The following AFF3 variants were observed in gnomAD, a reference collection of about 807,000 sequenced individuals.
The protein encoded by AFF3 is AF4/FMR2 family member 3.
In AFF3, 32 loss-of-function variants were observed where a neutral mutation model predicts 129.7. That is an observed-to-expected ratio of 0.25 (90% CI 0.19 to 0.33). AFF3 has a LOEUF of 0.33. Ranked by LOEUF, AFF3 falls within the 10% of genes least tolerant of loss-of-function variation. The probability of loss-of-function intolerance (pLI) is 1.00; values close to 1 mark genes in which losing one functional copy is unlikely to be tolerated. For missense variants in AFF3, 1,373 were observed against 1,592.0 expected (o/e 0.86, Z 2.34); for synonymous variants, 644 against 635.4 (o/e 1.01, Z -0.20).
chr2:100,060,687 T>C (rs1687198876), intron 4 of AFF3, among the ~76,000 whole-genome samples: 1 of 152,222 alleles, frequency 6.6e-6, no homozygotes, highest in Non-Finnish European at 1.5e-5. Context: ...AACCCTTGTA[T>C]ACCCCTCACC....
At chr2:99,576,623 T>A (rs934812384) in intron 18 of AFF3, among the ~76,000 whole-genome samples, 1 of 152,182 alleles carries the variant, frequency 6.6e-6, no homozygotes, top group Non-Finnish European at 1.5e-5. Context: ...GAAAATTCCT[T>A]GCATTTTAAT....
At chr2:100,062,275 T>G (rs981772986) in intron 4 of AFF3, among the ~76,000 whole-genome samples, 1 of 152,064 alleles carries the variant, frequency 6.6e-6, no homozygotes. Context: ...GCACACGGAG[T>G]GCCCATGTGG....
intron 4 of AFF3, among the ~76,000 whole-genome samples, chr2:100,076,118 T>A (rs1237151328): frequency 6.6e-6 from 1 of 152,172 alleles, no homozygotes; most frequent in Non-Finnish European, 1.5e-5. Flanking sequence ...AATGTCTACG[T>A]CAAATCAGGG....
chr2:100,121,420 G>A (rs1369662461), intron 2 of AFF3, among the ~76,000 whole-genome samples: 3 of 152,214 alleles, frequency 2.0e-5, no homozygotes, highest in Non-Finnish European at 4.4e-5. Flanking sequence ...AGGAGCAGTG[G>A]TTATATAGGC....
intron 4 of AFF3, among the ~76,000 whole-genome samples, chr2:100,049,225 G>C (rs1291461728): frequency 6.6e-6 from 1 of 152,162 alleles, no homozygotes; most frequent in East Asian, 1.9e-4. Flanking sequence ...TCCCACCAAA[G>C]GGATAGTGTG....
chr2:99,692,956 C>T (rs1343428322), intron 11 of AFF3, among the ~76,000 whole-genome samples: 1 of 152,260 alleles, frequency 6.6e-6, no homozygotes, highest in African/African-American at 2.4e-5. Flanking sequence ...CAGCTCCTGT[C>T]ACCTTATATT....
chr2:99,560,722 C>A (rs541850622), intron 20 of AFF3, among the ~76,000 whole-genome samples: 2 of 152,296 alleles, frequency 1.3e-5, no homozygotes, highest in African/African-American at 4.8e-5. Flanking sequence ...AAGAACTATT[C>A]ATGTATATGC....
chr2:100,129,396 G>A (rs1443138436), intron 1 of AFF3, 90 bp from the exon 2 acceptor site: 2 of 148,420 alleles, frequency 1.3e-5, no homozygotes, highest in Non-Finnish European at 3.0e-5. Context: ...GTGTGTGTGT[G>A]TGTGTGTGTG....
chr2:99,750,843 TAAC>T (rs1364849492), intron 9 of AFF3, among the ~76,000 whole-genome samples: 1 of 152,148 alleles, frequency 6.6e-6, no homozygotes, highest in African/African-American at 2.4e-5. Context: ...TTTGTAATAA[TAAC>T]AAGCCATACA....
intron 10 of AFF3, among the ~76,000 whole-genome samples, chr2:99,733,530 T>C (rs533266255): frequency 1.3e-5 from 2 of 152,290 alleles, no homozygotes; most frequent in East Asian, 3.9e-4. Context: ...TTGACACTTT[T>C]TGTGATTTAA....
chr2:100,102,507 T>C (rs1209596090), intron 4 of AFF3, among the ~76,000 whole-genome samples: 1 of 152,008 alleles, frequency 6.6e-6, no homozygotes, highest in African/African-American at 2.4e-5. Flanking sequence ...GTAATAAATG[T>C]ACTGCTAATG....
At chr2:99,803,980 C>A (rs1167283776) in intron 8 of AFF3, among the ~76,000 whole-genome samples, 1 of 152,080 alleles carries the variant, frequency 6.6e-6, no homozygotes, top group Non-Finnish European at 1.5e-5. Context: ...AGAAAAAAAT[C>A]TAGAAGAAAA....
At chr2:99,758,208 C>T (rs1164914683) in intron 8 of AFF3, among the ~76,000 whole-genome samples, 2 of 152,212 alleles carry the variant, frequency 1.3e-5, no homozygotes, top group African/African-American at 4.8e-5. Context: ...GATTGGTTCT[C>T]TGTCTTCTGT....
intron 4 of AFF3, among the ~76,000 whole-genome samples, chr2:100,053,090 G>A (rs1247141986): frequency 6.6e-6 from 1 of 152,130 alleles, no homozygotes; most frequent in Non-Finnish European, 1.5e-5. Flanking sequence ...GACAAGCTAA[G>A]GTAATCTAAA....
intron 20 of AFF3, 109 bp downstream of exon 20, chr2:99,565,378 T>G (rs1675863650): frequency 1.1e-5 from 16 of 1,467,330 alleles, no homozygotes; most frequent in Non-Finnish European, 1.4e-5. Context: ...GGATGAACAC[T>G]GGTTCCTGGT....
intron 4 of AFF3, among the ~76,000 whole-genome samples, chr2:100,055,548 G>A (rs1686698476): frequency 6.6e-6 from 1 of 152,110 alleles, no homozygotes; most frequent in Non-Finnish European, 1.5e-5. Context: ...AGGGGCTGAG[G>A]AGGAAAGATG....
chr2:99,882,307 A>G (rs1692784697), intron 7 of AFF3, among the ~76,000 whole-genome samples: 1 of 152,230 alleles, frequency 6.6e-6, no homozygotes. Flanking sequence ...ACTCTGCCGA[A>G]TAAATTATCG....
chr2:99,610,560 G>A (rs1474146145), intron 13 of AFF3, among the ~76,000 whole-genome samples: 1 of 152,112 alleles, frequency 6.6e-6, no homozygotes, highest in African/African-American at 2.4e-5. Flanking sequence ...ACCTTTAAAG[G>A]TTCCTCTGTT....
At chr2:100,122,866 G>T (rs982052341) in intron 2 of AFF3, among the ~76,000 whole-genome samples, 3 of 152,170 alleles carry the variant, frequency 2.0e-5, no homozygotes, top group Non-Finnish European at 2.9e-5. Flanking sequence ...ACCCAATGTG[G>T]ATCAAACTAA....
Sources: allele counts gnomAD v4.1 joint callset (sites outside exome capture counted in the v4.1 genomes callset), GRCh38; gene constraint gnomAD v4.1.1; transcripts MANE v1.5; gene names NCBI Gene and HGNC (gene_info 2026-07-23, HGNC 2026-07-21).